VTA1: variants seen among roughly 807,000 people sequenced by gnomAD.
VTA1 encodes vacuolar protein sorting-associated protein VTA1 homolog.
In VTA1, 24 loss-of-function variants were observed where a neutral mutation model predicts 36.9. The ratio of observed to expected loss-of-function variants is 0.65; its 90% CI spans 0.47 to 0.91. The LOEUF is 0.91. Ranked by LOEUF, VTA1 falls within the 40% of genes least tolerant of loss-of-function variation. VTA1 has a pLI of 0.00. For missense variants in VTA1, 393 were observed against 377.2 expected (o/e 1.04, Z -0.35); for synonymous variants, 142 against 130.2 (o/e 1.09, Z -0.62).
intron 1 of VTA1, among the ~76,000 whole-genome samples, chr6:142,153,967 T>A (rs568563157): frequency 6.4e-4 from 97 of 152,232 alleles, no homozygotes; most frequent in African/African-American, 2.1e-3. Context: ...AACCAGAATA[T>A]TGGCATTGGT....
In VTA1 at chr6:142,176,595, T is replaced by G. The variant is rs946819275; in HGVS notation, c.411+6174T>G. On this transcript the variant is annotated intron_variant, in intron 4 of 7. Coordinates refer to ENST00000367630, the MANE Select transcript of VTA1 (RefSeq NM_016485.5). ...TTTCTCAAACTCTCTGTGATAAAGGTTCAGCCTTTTTTTTTTTTTTTAAAT... is the reference window on the plus strand; with the variant it reads ...TTTCTCAAACTCTCTGTGATAAAGGGTCAGCCTTTTTTTTTTTTTTTAAAT... Among the ~76,000 whole-genome samples the G allele has an allele frequency of 2.7e-5, 4 of 150,740 alleles. No homozygotes were observed. The South Asian group carries it at 8.3e-4, about 31-fold the overall frequency.
intron 4 of VTA1, among the ~76,000 whole-genome samples, chr6:142,180,616 A>G (rs1241798225): frequency 1.3e-5 from 2 of 152,170 alleles, no homozygotes; most frequent in Admixed American, 1.3e-4. Context: ...ATATCAGAGG[A>G]AAATAGTAAT....
At position 142,220,564 on chromosome 6, in the gene VTA1, A is replaced by G. The variant is rs1303246923; in HGVS notation, c.*1921A>G. ...AGTGCTTAGCGCATGGTAGCATTTC[A>G]TAAATGTTTAGTGTCAATACTAATG... On this transcript the variant is annotated 3_prime_UTR_variant, in exon 8 of 8. Coordinates refer to ENST00000367630, the MANE Select transcript of VTA1 (RefSeq NM_016485.5). 1 of 152,226 alleles carries G rather than the reference A, an allele frequency of 6.6e-6. No individual in the cohort carries two copies. Among genetic ancestry groups the G allele is most frequent in the African/African-American group, 2.4e-5 (1 of 41,464 alleles). The allele number at this position is 152,226 out of a possible 1,614,324, so 9.4% of individuals were successfully genotyped here.
At chr6:142,211,996 A>T (rs930276773) in intron 7 of VTA1, among the ~76,000 whole-genome samples, 4 of 152,208 alleles carry the variant, frequency 2.6e-5, no homozygotes, top group African/African-American at 9.7e-5. Context: ...GAATGGCCAA[A>T]ATCCACAACA....
At chr6:142,208,696 A>G (rs904980304) in intron 7 of VTA1, among the ~76,000 whole-genome samples, 1 of 152,214 alleles carries the variant, frequency 6.6e-6, no homozygotes, top group African/African-American at 2.4e-5. Flanking sequence ...GATAAGAAGC[A>G]AATAGCATAT....
intron 1 of VTA1, among the ~76,000 whole-genome samples, chr6:142,158,938 C>T (rs193062346): frequency 6.6e-5 from 10 of 152,100 alleles, no homozygotes; most frequent in East Asian, 5.8e-4. Context: ...TGTACTTATA[C>T]GTATACCATA....
At chr6:142,154,427 T>G (rs1778623308) in intron 1 of VTA1, among the ~76,000 whole-genome samples, 1 of 152,116 alleles carries the variant, frequency 6.6e-6, no homozygotes, top group Admixed American at 6.5e-5. Flanking sequence ...ATAAAGTGAA[T>G]ATAATCACGT....
intron 1 of VTA1, among the ~76,000 whole-genome samples, chr6:142,151,290 C>T (rs190965967): frequency 6.6e-6 from 1 of 152,124 alleles, no homozygotes; most frequent in East Asian, 1.9e-4. Flanking sequence ...ATACATGTAT[C>T]TGTTAAGGGT....
At chr6:142,202,751 G>A (rs1775714750) in intron 6 of VTA1, among the ~76,000 whole-genome samples, 1 of 151,818 alleles carries the variant, frequency 6.6e-6, no homozygotes, top group Non-Finnish European at 1.5e-5. Flanking sequence ...CATAGAAACT[G>A]GTACTAGCCC....
intron 1 of VTA1, among the ~76,000 whole-genome samples, chr6:142,159,337 C>T (rs1774735453): frequency 6.6e-6 from 1 of 151,978 alleles, no homozygotes; most frequent in South Asian, 2.1e-4. Flanking sequence ...GCACTCCAAC[C>T]TGGGCAACAG....
intron 7 of VTA1, among the ~76,000 whole-genome samples, chr6:142,205,436 A>G (rs746257124): frequency 1.3e-5 from 2 of 152,168 alleles, no homozygotes; most frequent in Non-Finnish European, 2.9e-5. Context: ...CTTTATCTAA[A>G]CTGTCAGGCA....
chr6:142,160,165 T>G (rs1409837150), intron 1 of VTA1, among the ~76,000 whole-genome samples: 1 of 152,152 alleles, frequency 6.6e-6, no homozygotes, highest in Non-Finnish European at 1.5e-5. Flanking sequence ...GTGTATTGTT[T>G]TTTTGTTTAT....
chr6:142,173,825 G>C (rs575622036), intron 4 of VTA1, among the ~76,000 whole-genome samples: 1 of 152,118 alleles, frequency 6.6e-6, no homozygotes, highest in Non-Finnish European at 1.5e-5. Context: ...ATAGTAACTA[G>C]GGCAAAACTG....
chr6:142,166,404 A>G, intron 2 of VTA1, 82 bp downstream of exon 2: 3 of 1,021,656 alleles, frequency 2.9e-6, no homozygotes, highest in Non-Finnish European at 4.4e-6. Flanking sequence ...TTGTCATTTT[A>G]GTTCTTTCCC....
chr6:142,199,649 G>A (rs1041164132), intron 6 of VTA1, among the ~76,000 whole-genome samples: 1 of 152,012 alleles, frequency 6.6e-6, no homozygotes, highest in Non-Finnish European at 1.5e-5. Flanking sequence ...GTAACATCAA[G>A]TATGATTAGT....
At chr6:142,171,338 G>A (rs555012836) in intron 4 of VTA1, among the ~76,000 whole-genome samples, 10 of 152,202 alleles carry the variant, frequency 6.6e-5, no homozygotes, top group Admixed American at 1.3e-4. Context: ...CAGGTAATCC[G>A]CCCACCTTGG....
rs1218281358 is a variant in VTA1 at position 142,166,269 on chromosome 6, A to G, written c.154A>G (p.Lys52Glu). 1.2e-6 allele frequency: 2 copies of G among 1,612,590 alleles called. No homozygotes were observed. The highest frequency in any genetic ancestry group is 1.3e-5 in the African/African-American group (1 of 74,922). The change falls in exon 2 of 8, where the codon AAA becomes GAA. Residue 52 changes from lysine (K) to glutamate (E), a missense_variant. Lys to Glu is a moderately conservative substitution (Grantham distance 56, BLOSUM62 1). Coordinates refer to ENST00000367630, the MANE Select transcript of VTA1 (RefSeq NM_016485.5). ...AMQTGMKIDS[K>E]TPECRKFLSK... Reference sequence around the variant, plus strand: ...GCAGACTGGAATGAAGATCGATAGTAAAACTCCTGAATGTCGCAAATTTTT... The same window carrying G: ...GCAGACTGGAATGAAGATCGATAGTGAAACTCCTGAATGTCGCAAATTTTT...
At chr6:142,190,491 A>T (rs567680798) in intron 5 of VTA1, among the ~76,000 whole-genome samples, 1 of 152,242 alleles carries the variant, frequency 6.6e-6, no homozygotes, top group East Asian at 1.9e-4. Flanking sequence ...AGTGCGTTTT[A>T]CAAATTTTAA....
intron 5 of VTA1, among the ~76,000 whole-genome samples, chr6:142,193,111 C>A (rs1471359828): frequency 6.6e-6 from 1 of 152,094 alleles, no homozygotes; most frequent in African/African-American, 2.4e-5. Context: ...TCTGGAGTAG[C>A]TCCCCAGGAT....
Sources: allele counts gnomAD v4.1 joint callset (sites outside exome capture counted in the v4.1 genomes callset), GRCh38; gene constraint gnomAD v4.1.1; transcripts MANE v1.5; gene names NCBI Gene and HGNC (gene_info 2026-07-23, HGNC 2026-07-21).